The following MUC5B variants were observed in gnomAD, a reference collection of about 807,000 sequenced individuals.
MUC5B encodes mucin-5B.
A neutral mutation model predicts 376.9 loss-of-function variants in MUC5B; 116 were observed. The ratio of observed to expected loss-of-function variants is 0.31; its 90% CI spans 0.26 to 0.36. The LOEUF (loss-of-function observed/expected upper bound fraction) is 0.36. Among genes scored for constraint, MUC5B ranks in the 10% least tolerant of loss-of-function variants. MUC5B has a pLI of 1.00. For synonymous variants in MUC5B, 3,517 were observed against 3,390.9 expected (o/e 1.04, Z -1.29); for missense variants, 7,165 against 7,769.9 (o/e 0.92, Z 2.93).
In MUC5B at chr11:1,240,705, A is replaced by G; in HGVS notation, c.3971-146A>G. The G allele has an allele frequency of 1.6e-5, 13 of 806,122 alleles. No homozygotes were observed. In the South Asian group the frequency reaches 2.2e-4, roughly 14 times the overall value. The allele number at this position is 806,122 out of a possible 1,614,324, so 49.9% of individuals were successfully genotyped here. A position where few individuals can be genotyped will look rare whatever the true frequency, so the allele number is the denominator to read the frequency against. On this transcript the variant is annotated intron_variant, in intron 30 of 48. Coordinates refer to ENST00000529681, the MANE Select transcript of MUC5B (RefSeq NM_002458.3). ...AGTCCCTCATGCAGAAACGGCTCTA[A>G]CCAAGGCTGAGGCAGGCACTGGGGT...
Position 1,232,987 on chromosome 11 carries a change from G to T in MUC5B, c.2066-26G>T, listed in dbSNP as rs756637808. The stretch of plus-strand genomic sequence containing the variant: ...GGCCAGGCTGCTCGGCCGCTGACCT[G>T]TCCCCCCTGGCCCCACCGACCACAG... On this transcript the variant is annotated intron_variant, in intron 17 of 48. Coordinates refer to ENST00000529681, the MANE Select transcript of MUC5B (RefSeq NM_002458.3). 4.5e-6 allele frequency: 7 copies of T among 1,548,160 alleles called. No homozygotes were observed. The East Asian group carries it at 1.7e-4, about 37-fold the overall frequency.
intron 25 of MUC5B, among the ~76,000 whole-genome samples, chr11:1,238,039 C>T (rs1204563121): frequency 6.6e-6 from 1 of 152,180 alleles, no homozygotes; most frequent in Non-Finnish European, 1.5e-5. Flanking sequence ...CTCATGTCGG[C>T]CGCCGCTTGC....
rs750036677 is a variant in MUC5B at position 1,227,075 on chromosome 11, G to A, written c.506G>A (p.Ser169Asn). Residue 169 changes from serine to asparagine, a missense_variant, in exon 5 of 49, where the codon AGC becomes AAC. Around this residue, in one of 31 missense-constraint regions of MUC5B, gnomAD observed 640 missense variants for 733.0 expected, o/e 0.87. Transcript: ENST00000529681. ...CGCACTGGCCTCCTGGTGGAGCAGA[G>A]CGGGGACTACATCAAGGTCAGCATC... is the stretch of plus-strand genomic sequence containing the variant. Reference protein sequence around the residue: ...YSRTGLLVEQSGDYIKVSIRL... With the variant: ...YSRTGLLVEQNGDYIKVSIRL... 5 of 1,612,506 alleles carry A rather than the reference G, an allele frequency of 3.1e-6. No homozygotes were observed. In the South Asian group the frequency reaches 3.3e-5, roughly 11 times the overall value.
intron 8 of MUC5B, 100 bp from the exon 9 acceptor site, chr11:1,229,070 G>T: frequency 5.1e-6 from 7 of 1,361,484 alleles, no homozygotes; most frequent in Non-Finnish European, 6.8e-6. Flanking sequence ...GGCTTCTGTG[G>T]ACTTGATGGC....
At chr11:1,251,862 C>T (rs998609262) in intron 31 of MUC5B, 119 bp downstream of exon 31, 7 of 765,696 alleles carry the variant, frequency 9.1e-6, no homozygotes, top group Non-Finnish European at 1.4e-5. Context: ...CCCCACTGGC[C>T]TCACTTGGCC....
intron 26 of MUC5B, 66 bp from the exon 27 acceptor site, chr11:1,239,372 G>A: frequency 1.3e-6 from 2 of 1,542,468 alleles, no homozygotes; most frequent in Admixed American, 1.9e-5. Context: ...CGGGGTAGGG[G>A]CTGCCCTGCA....
rs1211047999 is a variant in MUC5B at position 1,233,286 on chromosome 11, A to T, written c.2321+18A>T. Reference sequence around the variant, plus strand: ...GCCGTGTGGTAAGGGTCTGGGGGGAAAGCAGGCCCCCCAGGTGCTCCTCAG... The same window carrying T: ...GCCGTGTGGTAAGGGTCTGGGGGGATAGCAGGCCCCCCAGGTGCTCCTCAG... On this transcript the variant is annotated intron_variant, in intron 18 of 48. Transcript: ENST00000529681. 6.6e-7 allele frequency: 1 copy of T among 1,520,558 alleles called. No homozygotes were observed. Among genetic ancestry groups the T allele is most frequent in the South Asian group, 1.2e-5 (1 of 81,622 alleles). 94.2% of individuals were successfully genotyped at this position (1,520,558 alleles called of 1,614,324 possible).
rs376260239 is a variant in MUC5B at position 1,227,027 on chromosome 11, G to A, written c.462-4G>A. The A allele has an allele frequency of 5.4e-5, 86 of 1,606,412 alleles. 2 individuals carry two copies. Among genetic ancestry groups the A allele is most frequent in the South Asian group, 1.4e-4 (13 of 90,516 alleles). On this transcript the variant is annotated splice_polypyrimidine_tract_variant and splice_region_variant and intron_variant, in intron 4 of 48. Transcript: ENST00000529681. ...CCCAGGGAGAGACCCCGCTGTCTGC[G>A]CAGGGAGGAGCTGCCTTACAGCCGC...
intron 32 of MUC5B, 38 bp from the exon 33 acceptor site, chr11:1,252,771 G>T: frequency 3.8e-6 from 6 of 1,564,392 alleles, no homozygotes; most frequent in Non-Finnish European, 5.2e-6. Context: ...GGTCCCGTGA[G>T]CTGGTCCAGG....
Position 1,249,984 on chromosome 11 carries a change from G to C in MUC5B, c.13104G>C (p.Thr4368=), listed in dbSNP as rs201027173. The change falls in exon 31 of 49, where the codon ACG becomes ACC. Residue 4368 remains threonine, a synonymous_variant. Coordinates refer to ENST00000529681, the MANE Select transcript of MUC5B (RefSeq NM_002458.3). ...ETTHTSTVLT[T]KATTTRATSS... ...CCCACACCTCCACAGTGCTGACCAC[G>C]AAGGCCACCACGACAAGGGCCACCA... 1.9e-6 allele frequency: 3 copies of C among 1,604,402 alleles called. No individual in the cohort carries two copies. Among genetic ancestry groups the C allele is most frequent in the Non-Finnish European group, 2.6e-6 (3 of 1,176,046 alleles).
intron 24 of MUC5B, 38 bp downstream of exon 24, chr11:1,236,600 C>G: frequency 6.3e-7 from 1 of 1,584,326 alleles, no homozygotes; most frequent in South Asian, 1.1e-5. Context: ...CCTGCAGGAC[C>G]CTCTCACAGT....
rs1486384899 is a variant in MUC5B at position 1,252,371 on chromosome 11, A to C, written c.14892A>C (p.Arg4964=). 7 of 1,583,040 alleles carry C rather than the reference A, an allele frequency of 4.4e-6. No individual in the cohort carries two copies. The highest frequency in any genetic ancestry group is 3.4e-4 in the Middle Eastern group (2 of 5,918). The change falls in exon 32 of 49, where the codon CGA becomes CGC. Residue 4964 remains arginine (R), a synonymous_variant. Coordinates refer to ENST00000529681, the MANE Select transcript of MUC5B (RefSeq NM_002458.3). ...AAGTCATCTACAATAAGACCGACCG[A>C]GCCGGCTGCCATTTCTACGCAGTGT... The part of the protein sequence containing the change: ...PGEVIYNKTD[R]AGCHFYAVCN...
chr11:1,252,110 GTCCCCACTGGCCACAATCCA>G (rs1200863805), intron 31 of MUC5B, among the ~76,000 whole-genome samples: 2 of 150,756 alleles, frequency 1.3e-5, no homozygotes, highest in African/African-American at 4.9e-5. Context: ...GCCACACTCG[GTCCCCACTGGCCACAATCCA>G]TCCCCACTGG....
intron 44 of MUC5B, 139 bp downstream of exon 44, chr11:1,259,200 C>T: frequency 1.2e-6 from 1 of 814,888 alleles, no homozygotes; most frequent in Non-Finnish European, 1.9e-6. Context: ...CCAGGTGAGT[C>T]CCTGAGGCAC....
intron 7 of MUC5B, among the ~76,000 whole-genome samples, chr11:1,228,082 G>T (rs1283694788): frequency 6.6e-6 from 1 of 152,196 alleles, no homozygotes; most frequent in Non-Finnish European, 1.5e-5. Context: ...CCAGCAGGTG[G>T]ACTCAGAAGG....
chr11:1,243,670 T>C lies in MUC5B; in HGVS notation c.6790T>C (p.Ser2264Pro), dbSNP rs202129051. ...TCACCCTAGCAGCAGAACCACCGAG[T>C]CACCCCCTTCTCCAGGGACGACCAC... Reference protein sequence around the residue: ...SPHPSSRTTESPPSPGTTTPG... With the variant: ...SPHPSSRTTEPPPSPGTTTPG... Residue 2264 changes from serine (S) to proline (P), a missense_variant, in exon 31 of 49, where the codon TCA becomes CCA. Transcript: ENST00000529681. 1.7e-4 allele frequency: 278 copies of C among 1,607,804 alleles called. No individual in the cohort carries two copies. Among genetic ancestry groups the C allele is most frequent in the Non-Finnish European group, 2.0e-4 (230 of 1,178,642 alleles).
At position 1,258,809 on chromosome 11, in the gene MUC5B, G is replaced by T; in HGVS notation, c.16594-133G>T. On this transcript the variant is annotated intron_variant, in intron 43 of 48. Coordinates refer to ENST00000529681, the MANE Select transcript of MUC5B (RefSeq NM_002458.3). This position sits in a 1 kb window ranked among gnomAD's most constrained non-coding sequence, Gnocchi z 5.5. The stretch of plus-strand genomic sequence containing the variant: ...CAGCTCCCTGCCTGCCTGGGTCCAT[G>T]CTCAGCCAGGGGTGCATCTATGCTC... 1 of 1,285,826 alleles carries T rather than the reference G, an allele frequency of 7.8e-7. No individual in the cohort carries two copies. The highest frequency in any genetic ancestry group is 1.5e-5 in the South Asian group (1 of 68,962). The allele number at this position is 1,285,826 out of a possible 1,614,324, so 79.7% of individuals were successfully genotyped here.
At position 1,250,662 on chromosome 11, in the gene MUC5B, G is replaced by A. The variant is rs752326374; in HGVS notation, c.13782G>A (p.Pro4594=). ...TPGTAHTTKV[P]TTTTTGFTAT... ...GAACAGCTCACACTACCAAAGTGCC[G>A]ACTACCACAACCACGGGCTTCACAG... Residue 4594 remains proline, a synonymous_variant, in exon 31 of 49, where the codon CCG becomes CCA. Transcript: ENST00000529681. The A allele has an allele frequency of 9.7e-5, 156 of 1,611,314 alleles. No homozygotes were observed. Among genetic ancestry groups the A allele is most frequent in the Non-Finnish European group, 1.1e-4 (135 of 1,178,776 alleles).
In MUC5B at chr11:1,259,012, C is replaced by A; in HGVS notation, c.16664C>A (p.Pro5555Gln). Residue 5555 changes from proline (P) to glutamine (Q), a missense_variant, in exon 44 of 49, where the codon CCA (proline) becomes CAA (glutamine). Transcript: ENST00000529681. ...CTCLSGDTQD[P>Q]TVQCQEDACN... Reference sequence around the variant, plus strand: ...TGCCTCTCTGGGGACACCCAGGACCCAACGGTGCAATGTCAGGAGGATGCC... The same window carrying A: ...TGCCTCTCTGGGGACACCCAGGACCAAACGGTGCAATGTCAGGAGGATGCC... The A allele has an allele frequency of 6.4e-7, 1 of 1,560,158 alleles. No individual in the cohort carries two copies. Among genetic ancestry groups the A allele is most frequent in the Non-Finnish European group, 8.7e-7 (1 of 1,153,046 alleles).
Sources: gnomAD v4.1 joint callset for allele counts (sites outside exome capture counted in the v4.1 genomes callset) on GRCh38, gnomAD v4.1.1 for gene constraint, gnomAD v4.1.1 regional missense constraint, Gnocchi (gnomAD v3.1) non-coding constraint, MANE v1.5 for transcripts, NCBI Gene and HGNC (gene_info 2026-07-23, HGNC 2026-07-21) for gene names.